The following ZFP91 variants were observed in gnomAD, a reference collection of about 807,000 sequenced individuals.
ZFP91 encodes the protein E3 ubiquitin-protein ligase ZFP91.
A neutral mutation model predicts 63.5 loss-of-function variants in ZFP91; 7 were observed. That is an observed-to-expected ratio of 0.11 (90% CI 0.06 to 0.21). The LOEUF is 0.21. ZFP91 is among the 10% of genes least tolerant of loss of function. The probability of loss-of-function intolerance (pLI) is 1.00; values close to 1 mark genes in which losing one functional copy is unlikely to be tolerated. For synonymous variants in ZFP91, 330 were observed against 272.1 expected (o/e 1.21, Z -2.10); for missense variants, 628 against 736.6 (o/e 0.85, Z 1.71).
In ZFP91 at chr11:58,617,070, TTGTGTGTGTGTGTGTGTGTGTGTG is replaced by T. The variant is rs143676081; in HGVS notation, c.1203-120_1203-97del. On this transcript the variant is annotated intron_variant, in intron 10 of 10. Transcript: ENST00000316059. This position sits in a 1 kb window ranked among gnomAD's most constrained non-coding sequence, Gnocchi z 4.2. ...TTCAAAAGAAGTATGTTACTGATTA[TTGTGTGTGTGTGTGTGTGTGTGTG>T]TGTGTATGTATATATATGCTCTAAA... is the stretch of plus-strand genomic sequence containing the variant. The T allele has an allele frequency of 1.4e-6, 1 of 739,918 alleles. No individual in the cohort carries two copies. The highest frequency in any genetic ancestry group is 1.8e-5 in the African/African-American group (1 of 54,778). The allele number at this position is 739,918 out of a possible 1,614,324, so 45.8% of individuals were successfully genotyped here. A position where few individuals can be genotyped will look rare whatever the true frequency, so the allele number is the denominator to read the frequency against.
chr11:58,617,777 A>T lies in ZFP91; in HGVS notation c.*71A>T. The T allele has an allele frequency of 6.9e-7, 1 of 1,439,436 alleles. No homozygotes were observed. The highest frequency in any genetic ancestry group is 9.1e-7 in the Non-Finnish European group (1 of 1,101,932). The allele number at this position is 1,439,436 out of a possible 1,614,324, so 89.2% of individuals were successfully genotyped here. On this transcript the variant is annotated 3_prime_UTR_variant, in exon 11 of 11. Transcript: ENST00000316059. The surrounding 1 kb of genome is among the most constrained non-coding windows in gnomAD (Gnocchi z 4.2). ...AAAAGTTAAAAAGGACAAAAAAAAAATCTAAAGCATTTAAAATCTAGTGAA... is the reference window on the plus strand; with the variant it reads ...AAAAGTTAAAAAGGACAAAAAAAAATTCTAAAGCATTTAAAATCTAGTGAA...
chr11:58,579,414 A>G lies in ZFP91; in HGVS notation c.133A>G (p.Thr45Ala). ...GGTCGCGGCGGCGCCTGCAGGGACC[A>G]CTAGCAGCCGCGTGCTGAGGGGAGG... The part of the protein sequence containing the change: ...EAVAAAPAGT[T>A]SSRVLRGGRD... The change falls in exon 1 of 11, where the codon ACT (threonine) becomes GCT (alanine). Residue 45 changes from threonine to alanine, a missense_variant. Around this residue, in one of 3 missense-constraint regions of ZFP91, gnomAD observed 437 missense variants for 380.3 expected, o/e 1.15. Coordinates refer to ENST00000316059, the MANE Select transcript of ZFP91 (RefSeq NM_053023.5). The G allele has an allele frequency of 6.9e-7, 1 of 1,453,078 alleles. No homozygotes were observed. Among genetic ancestry groups the G allele is most frequent in the East Asian group, 2.9e-5 (1 of 33,914 alleles). The allele number at this position is 1,453,078 out of a possible 1,614,324, so 90.0% of individuals were successfully genotyped here.
At chr11:58,605,924 C>A (rs189135459) in intron 2 of ZFP91, among the ~76,000 whole-genome samples, 2 of 152,100 alleles carry the variant, frequency 1.3e-5, no homozygotes, top group East Asian at 1.9e-4. Context: ...TTCCTTTATT[C>A]TTTTTTTCTT....
At chr11:58,587,487 A>G (rs926544426) in intron 2 of ZFP91, among the ~76,000 whole-genome samples, 5 of 152,242 alleles carry the variant, frequency 3.3e-5, no homozygotes, top group African/African-American at 1.2e-4. Context: ...CATTCCACAC[A>G]AAAGTTAAAA....
intron 2 of ZFP91, among the ~76,000 whole-genome samples, chr11:58,586,965 C>T (rs1855220519): frequency 6.6e-6 from 1 of 151,964 alleles, no homozygotes; most frequent in South Asian, 2.1e-4. Context: ...TTACTCAAAC[C>T]ATCTAGAAAT....
intron 5 of ZFP91, chr11:58,611,304 T>C (rs1321112433): frequency 8.4e-6 from 4 of 478,724 alleles, no homozygotes; most frequent in Admixed American, 7.6e-5. Flanking sequence ...TTCAACAAGG[T>C]ATCATGAATT....
chr11:58,614,204 G>A (rs375161547), intron 8 of ZFP91, 25 bp from the exon 9 acceptor site: 28 of 1,421,068 alleles, frequency 2.0e-5, no homozygotes, highest in African/African-American at 5.9e-5. Context: ...TTTTTTTTTC[G>A]CCCCTTTCAC....
chr11:58,579,506 G>T lies in ZFP91; in HGVS notation c.225G>T (p.Glu75Asp). Residue 75 changes from glutamate (E) to aspartate (D), a missense_variant, in exon 1 of 11, where the codon GAG (glutamate) becomes GAT (aspartate). Glu to Asp is a conservative substitution (Grantham distance 45). Transcript: ENST00000316059. ...AAAVSRRRKA[E>D]YPRRRRSSPS... ...CTGTGTCCCGCCGGAGGAAGGCCGA[G>T]TATCCCCGCCGGCGGAGGAGCAGCC... 6.5e-7 allele frequency: 1 copy of T among 1,542,324 alleles called. No homozygotes were observed.
chr11:58,618,516 G>A lies in ZFP91; in HGVS notation c.*810G>A, dbSNP rs1055819895. The A allele has an allele frequency of 1.3e-5, 5 of 379,902 alleles. No individual in the cohort carries two copies. The highest frequency in any genetic ancestry group is 2.5e-5 in the Non-Finnish European group (5 of 196,216). The allele number at this position is 379,902 out of a possible 1,614,324, so 23.5% of individuals were successfully genotyped here. On this transcript the variant is annotated 3_prime_UTR_variant, in exon 11 of 11. Transcript: ENST00000316059. Reference sequence around the variant, plus strand: ...GGCTAATGGCAGAAATTTGCACTTTGAACATGTGTGTTTTTGTGTTGTGGA... The same window carrying A: ...GGCTAATGGCAGAAATTTGCACTTTAAACATGTGTGTTTTTGTGTTGTGGA...
chr11:58,608,066 GAT>G (rs368079598), intron 2 of ZFP91, among the ~76,000 whole-genome samples: 4 of 151,064 alleles, frequency 2.6e-5, no homozygotes, highest in Non-Finnish European at 4.4e-5. Flanking sequence ...TAGTATGTAA[GAT>G]ATATATATAT....
chr11:58,619,540 G>T lies in ZFP91; in HGVS notation c.*1834G>T, dbSNP rs1800010307. 1 of 151,770 alleles carries T rather than the reference G, an allele frequency of 6.6e-6. No homozygotes were observed. Among genetic ancestry groups the T allele is most frequent in the Admixed American group, 6.6e-5 (1 of 15,216 alleles). The allele number at this position is 151,770 out of a possible 1,614,324, so 9.4% of individuals were successfully genotyped here. ...AACATGGCTTATCAATTTTTTCAAA[G>T]AATTCTTTTTTCCCAAAAAGAGGAG... On this transcript the variant is annotated 3_prime_UTR_variant, in exon 11 of 11. Transcript: ENST00000316059.
At chr11:58,593,796 C>A (rs1855349293) in intron 2 of ZFP91, among the ~76,000 whole-genome samples, 1 of 152,186 alleles carries the variant, frequency 6.6e-6, no homozygotes, top group South Asian at 2.1e-4. Context: ...AAACCCTGAT[C>A]TTTTTCTTTG....
chr11:58,603,606 TAAA>T (rs1855525486), intron 2 of ZFP91, among the ~76,000 whole-genome samples: 1 of 152,172 alleles, frequency 6.6e-6, no homozygotes, highest in Non-Finnish European at 1.5e-5. Flanking sequence ...AGAATGGAAT[TAAA>T]GAAGAATGAT....
chr11:58,589,630 A>C (rs1855270934), intron 2 of ZFP91, among the ~76,000 whole-genome samples: 1 of 152,254 alleles, frequency 6.6e-6, no homozygotes, highest in East Asian at 1.9e-4. Flanking sequence ...AAGGCTAAAT[A>C]CAGTAGATAG....
intron 6 of ZFP91, 94 bp from the exon 7 acceptor site, chr11:58,612,183 CT>C (rs923671098): frequency 3.9e-6 from 5 of 1,269,218 alleles, no homozygotes; most frequent in Non-Finnish European, 5.6e-6. Context: ...GCCACTTGTT[CT>C]TTGGCCGTGT....
intron 2 of ZFP91, among the ~76,000 whole-genome samples, chr11:58,585,901 G>A (rs1855200346): frequency 6.6e-6 from 1 of 151,976 alleles, no homozygotes; most frequent in African/African-American, 2.4e-5. Flanking sequence ...TAAATAATTA[G>A]GTTTCAATGC....
At chr11:58,591,783 G>C (rs1590614526) in intron 2 of ZFP91, among the ~76,000 whole-genome samples, 1 of 152,232 alleles carries the variant, frequency 6.6e-6, no homozygotes, top group South Asian at 2.1e-4. Flanking sequence ...GTCTATTCCA[G>C]TAACAACAAA....
chr11:58,603,641 G>T (rs1855525979), intron 2 of ZFP91, among the ~76,000 whole-genome samples: 1 of 152,106 alleles, frequency 6.6e-6, no homozygotes, highest in Non-Finnish European at 1.5e-5. Flanking sequence ...AGCTGCAAAT[G>T]CTGGGTCCTG....
At position 58,579,280 on chromosome 11, in the gene ZFP91, C is replaced by A; in HGVS notation, c.-2C>A. The A allele has an allele frequency of 6.9e-7, 1 of 1,444,832 alleles. No homozygotes were observed. The highest frequency in any genetic ancestry group is 9.0e-7 in the Non-Finnish European group (1 of 1,107,248). The allele number at this position is 1,444,832 out of a possible 1,614,324, so 89.5% of individuals were successfully genotyped here. A position where few individuals can be genotyped will look rare whatever the true frequency, so the allele number is the denominator to read the frequency against. ...TAGGGGGTGGGGGACGGACAAGCCCCGATGCCGGGGGAGACGGAAGAGCCG... is the reference window on the plus strand; with the variant it reads ...TAGGGGGTGGGGGACGGACAAGCCCAGATGCCGGGGGAGACGGAAGAGCCG... On this transcript the variant is annotated 5_prime_UTR_variant, in exon 1 of 11. Transcript: ENST00000316059.
Sources: gnomAD v4.1 joint callset for allele counts (sites outside exome capture counted in the v4.1 genomes callset) on GRCh38, gnomAD v4.1.1 for gene constraint, gnomAD v4.1.1 regional missense constraint, Gnocchi (gnomAD v3.1) non-coding constraint, MANE v1.5 for transcripts, NCBI Gene and HGNC (gene_info 2026-07-23, HGNC 2026-07-21) for gene names.